CFAP61: variants seen among roughly 807,000 people sequenced by gnomAD.
The protein encoded by CFAP61 is cilia and flagella associated protein 61.
In CFAP61, 107 loss-of-function variants were observed where a neutral mutation model predicts 135.6. The observed-to-expected ratio is 0.79, with a 90% confidence interval of 0.67 to 0.93. The LOEUF is 0.93. CFAP61 is among the 40% of genes least tolerant of loss of function. The pLI is 0.00. For missense variants in CFAP61, 1,507 were observed against 1,556.2 expected (o/e 0.97, Z 0.53); for synonymous variants, 575 against 578.5 (o/e 0.99, Z 0.09).
chr20:20,296,423 CTT>C, intron 24 of CFAP61, among the ~76,000 whole-genome samples: 1 of 129,108 alleles, frequency 7.7e-6, no homozygotes, highest in Non-Finnish European at 1.7e-5. Flanking sequence ...TCTTTTCTTT[CTT>C]CCTCCCTCCC....
chr20:20,102,210 C>CT (rs2048076804), intron 8 of CFAP61, among the ~76,000 whole-genome samples: 1 of 152,228 alleles, frequency 6.6e-6, no homozygotes, highest in Non-Finnish European at 1.5e-5. Context: ...TCTCCATTGA[C>CT]TCCCAAATAA....
chr20:20,292,446 G>A (rs1414383100), intron 24 of CFAP61, among the ~76,000 whole-genome samples: 1 of 152,146 alleles, frequency 6.6e-6, no homozygotes, highest in Non-Finnish European at 1.5e-5. Flanking sequence ...TTCTATTGCT[G>A]TATAAAAAAC....
intron 17 of CFAP61, among the ~76,000 whole-genome samples, chr20:20,207,219 T>C (rs971659385): frequency 6.6e-6 from 1 of 152,008 alleles, no homozygotes; most frequent in African/African-American, 2.4e-5. Flanking sequence ...AGGAGGAAAA[T>C]GGGGGACTTT....
chr20:20,240,253 T>C (rs2049922818), intron 18 of CFAP61, among the ~76,000 whole-genome samples: 1 of 152,148 alleles, frequency 6.6e-6, no homozygotes, highest in Non-Finnish European at 1.5e-5. Flanking sequence ...GTGGATAACA[T>C]CACCCAGGGA....
At chr20:20,109,328 A>T (rs923680373) in intron 8 of CFAP61, among the ~76,000 whole-genome samples, 1 of 152,062 alleles carries the variant, frequency 6.6e-6, no homozygotes, top group East Asian at 1.9e-4. Flanking sequence ...CTCTACCCTG[A>T]TTTTCACTTG....
At chr20:20,183,750 G>C (rs1294013215) in intron 13 of CFAP61, among the ~76,000 whole-genome samples, 1 of 152,106 alleles carries the variant, frequency 6.6e-6, no homozygotes, top group East Asian at 1.9e-4. Flanking sequence ...TTTGTACCAA[G>C]TCCACAATTC....
chr20:20,128,195 C>T (rs2050222413), intron 8 of CFAP61, among the ~76,000 whole-genome samples: 1 of 151,744 alleles, frequency 6.6e-6, no homozygotes, highest in South Asian at 2.1e-4. Flanking sequence ...CGAGTTCTGG[C>T]CAGGAGGCTT....
intron 25 of CFAP61, among the ~76,000 whole-genome samples, chr20:20,318,159 C>A (rs910477473): frequency 6.6e-6 from 1 of 152,146 alleles, no homozygotes; most frequent in Non-Finnish European, 1.5e-5. Context: ...GCCTCCAAGG[C>A]TGCTGGAGTC....
At chr20:20,111,569 G>A (rs1035300399) in intron 8 of CFAP61, among the ~76,000 whole-genome samples, 1 of 152,010 alleles carries the variant, frequency 6.6e-6, no homozygotes, top group Non-Finnish European at 1.5e-5. Context: ...CTAATCCTTG[G>A]TCATAACCAG....
intron 8 of CFAP61, among the ~76,000 whole-genome samples, chr20:20,116,856 G>A (rs2049183147): frequency 6.6e-6 from 1 of 151,236 alleles, no homozygotes; most frequent in African/African-American, 2.4e-5. Flanking sequence ...TTTGATACTT[G>A]TTTTTTTTCA....
chr20:20,191,412 A>C lies in CFAP61; in HGVS notation c.1583A>C (p.Asn528Thr), dbSNP rs751468176. 3 of 1,607,120 alleles carry C rather than the reference A, an allele frequency of 1.9e-6. No homozygotes were observed. The highest frequency in any genetic ancestry group is 2.6e-6 in the Non-Finnish European group (3 of 1,175,070). The change falls in exon 15 of 27, where the codon AAT becomes ACT. Residue 528 changes from asparagine (N) to threonine (T), a missense_variant. Transcript: ENST00000245957. ...EQIVGIAVIR[N>T]EMDIEYIRSH... ...ATAGTTGGTATTGCAGTGATCAGAA[A>C]TGAAATGGTAAATTGTGAAGTGGAT...
At chr20:20,265,327 A>C (rs370643073) in intron 21 of CFAP61, 1 of 777,608 alleles carries the variant, frequency 1.3e-6, no homozygotes. Context: ...TTAAGGTGGA[A>C]TATTGATAGC....
At chr20:20,140,002 T>A (rs2051241784) in intron 8 of CFAP61, among the ~76,000 whole-genome samples, 1 of 152,086 alleles carries the variant, frequency 6.6e-6, no homozygotes, top group Non-Finnish European at 1.5e-5. Flanking sequence ...GATAATGAGG[T>A]TTTTTTAATT....
chr20:20,176,010 G>C (rs1164059219), intron 13 of CFAP61, among the ~76,000 whole-genome samples: 1 of 151,758 alleles, frequency 6.6e-6, no homozygotes, highest in African/African-American at 2.4e-5. Flanking sequence ...AAATTTGCAA[G>C]AAAAAAACAA....
chr20:20,333,711 T>A (rs979599354), intron 25 of CFAP61, among the ~76,000 whole-genome samples: 14 of 152,208 alleles, frequency 9.2e-5, no homozygotes, highest in South Asian at 6.2e-4. Flanking sequence ...AGCAGACAGA[T>A]CCTTCAGGTA....
At chr20:20,320,492 G>GTAATATA (rs2057441571) in intron 25 of CFAP61, among the ~76,000 whole-genome samples, 1 of 5,420 alleles carries the variant, frequency 1.8e-4, no homozygotes, top group Non-Finnish European at 5.9e-4. Context: ...TATAATATAT[G>GTAATATA]TAATATATAT....
intron 2 of CFAP61, among the ~76,000 whole-genome samples, chr20:20,067,473 C>T (rs775917182): frequency 1.4e-4 from 21 of 151,312 alleles, no homozygotes; most frequent in Non-Finnish European, 2.8e-4. Flanking sequence ...GAAACCTTGT[C>T]TCTACTAAAA....
chr20:20,274,320 CA>C (rs1398945160), intron 21 of CFAP61, among the ~76,000 whole-genome samples: 1 of 152,054 alleles, frequency 6.6e-6, no homozygotes, highest in Non-Finnish European at 1.5e-5. Flanking sequence ...CACAACTGCA[CA>C]AAGATTATGA....
At chr20:20,085,449 C>T (rs1331157324) in intron 6 of CFAP61, 1 of 1,365,644 alleles carries the variant, frequency 7.3e-7, no homozygotes, top group Non-Finnish European at 9.8e-7. Flanking sequence ...CCTCTTTATC[C>T]ATTTTGGGAA....
Sources: gnomAD v4.1 joint callset for allele counts (sites outside exome capture counted in the v4.1 genomes callset) on GRCh38, gnomAD v4.1.1 for gene constraint, MANE v1.5 for transcripts, NCBI Gene and HGNC (gene_info 2026-07-23, HGNC 2026-07-21) for gene names.